The following DRC7 variants were observed in gnomAD, a reference collection of about 807,000 sequenced individuals.
The protein encoded by DRC7 is dynein regulatory complex subunit 7.
DRC7 carries 80 observed loss-of-function variants against 104.4 expected under a neutral mutation model. The ratio of observed to expected loss-of-function variants is 0.77; its 90% CI spans 0.64 to 0.92. The LOEUF (loss-of-function observed/expected upper bound fraction) is 0.92, where lower values mean the gene tolerates loss of function less well. Ranked by LOEUF, DRC7 falls within the 40% of genes least tolerant of loss-of-function variation. DRC7 has a pLI of 0.00. For missense variants in DRC7, 1,034 were observed against 1,141.1 expected (o/e 0.91, Z 1.35); for synonymous variants, 405 against 447.3 (o/e 0.91, Z 1.19).
chr16:57,700,305 AC>A, intron 5 of DRC7, 35 bp downstream of exon 5: 6 of 1,597,308 alleles, frequency 3.8e-6, no homozygotes, highest in Non-Finnish European at 4.3e-6. Flanking sequence ...GCCTGAGCCC[AC>A]CAGGACTAAG....
Position 57,724,723 on chromosome 16 carries a change from C to G in DRC7, c.1646C>G (p.Thr549Arg). ...CGGGAGGAGACACCCAGGACAATGA[C>G]AGAGTACTATCAAGGACGCCCAGAC... ...MKREETPRTM[T>R]EYYQGRPDFL... Residue 549 changes from threonine to arginine, a missense_variant, in exon 13 of 19, where the codon ACA (threonine) becomes AGA (arginine). By Grantham distance (71) the Thr-to-Arg change is moderately conservative. Transcript: ENST00000360716. 6.2e-7 allele frequency: 1 copy of G among 1,613,886 alleles called. No homozygotes were observed. Among genetic ancestry groups the G allele is most frequent in the Non-Finnish European group, 8.5e-7 (1 of 1,179,996 alleles).
chr16:57,697,558 G>A (rs2048608055), intron 2 of DRC7, among the ~76,000 whole-genome samples: 1 of 151,984 alleles, frequency 6.6e-6, no homozygotes, highest in South Asian at 2.1e-4. Context: ...GACAGAGCAA[G>A]ACCCTGTCTC....
intron 1 of DRC7, among the ~76,000 whole-genome samples, chr16:57,695,053 G>A (rs1428187391): frequency 1.3e-5 from 2 of 152,072 alleles, no homozygotes; most frequent in African/African-American, 4.8e-5. Context: ...CCGGTGGGTT[G>A]GGGCAGAATC....
chr16:57,716,988 C>G (rs1366851608), intron 8 of DRC7, among the ~76,000 whole-genome samples: 3 of 151,850 alleles, frequency 2.0e-5, no homozygotes, highest in Non-Finnish European at 4.4e-5. Context: ...GAAACCCTGT[C>G]TCTACTAAAA....
intron 17 of DRC7, among the ~76,000 whole-genome samples, chr16:57,729,886 A>G (rs1186378578): frequency 3.2e-5 from 3 of 93,766 alleles, no homozygotes; most frequent in Non-Finnish European, 6.2e-5. Flanking sequence ...GGATGAATGG[A>G]TGGGTGGATG....
At chr16:57,713,442 T>A (rs1392656092) in intron 8 of DRC7, among the ~76,000 whole-genome samples, 17 of 152,198 alleles carry the variant, frequency 1.1e-4, no homozygotes, top group Non-Finnish European at 5.9e-5. Flanking sequence ...TTTGAGATTG[T>A]TATGTCCTCA....
At chr16:57,725,868 C>A (rs2048956349) in intron 13 of DRC7, 200 bp from the exon 14 acceptor site, 1 of 594,188 alleles carries the variant, frequency 1.7e-6, no homozygotes, top group Admixed American at 2.8e-5. Flanking sequence ...GGGCCCAGCA[C>A]CATATGGGAG....
intron 13 of DRC7, 31 bp from the exon 14 acceptor site, chr16:57,726,026 CGCTCATCCTTT>C (rs765897683): frequency 3.5e-5 from 54 of 1,545,718 alleles, no homozygotes; most frequent in Admixed American, 1.6e-4. Flanking sequence ...TCCTCTCACA[CGCTCATCCTTT>C]GCTCATCCTT....
chr16:57,716,354 T>A (rs1331483290), intron 8 of DRC7, among the ~76,000 whole-genome samples: 1 of 151,706 alleles, frequency 6.6e-6, no homozygotes, highest in Non-Finnish European at 1.5e-5. Context: ...AATACACAAA[T>A]TAGCTGGGTG....
chr16:57,697,906 C>T lies in DRC7; in HGVS notation c.-37-7C>T, dbSNP rs748959588. ...CGGCCATGGAGTATACTTACCCTTC[C>T]CCACAGAGACATTCCATCTCCAGAC... On this transcript the variant is annotated splice_region_variant and splice_polypyrimidine_tract_variant and intron_variant, in intron 2 of 18. Coordinates refer to ENST00000360716, the MANE Select transcript of DRC7 (RefSeq NM_001289162.2). 3.1e-6 allele frequency: 5 copies of T among 1,593,506 alleles called. No homozygotes were observed. The Admixed American group carries it at 5.1e-5, about 16-fold the overall frequency.
At chr16:57,727,471 G>A (rs1364198926) in intron 16 of DRC7, 62 bp downstream of exon 16, 2 of 1,266,730 alleles carry the variant, frequency 1.6e-6, no homozygotes, top group Admixed American at 1.7e-5. Flanking sequence ...CTCCAGGGTG[G>A]TGGGGACCAT....
chr16:57,715,944 G>C (rs2048838150), intron 8 of DRC7, among the ~76,000 whole-genome samples: 1 of 152,228 alleles, frequency 6.6e-6, no homozygotes, highest in African/African-American at 2.4e-5. Flanking sequence ...GATGGCATAG[G>C]CTGTCACTTT....
At chr16:57,714,969 A>G (rs7202070) in intron 8 of DRC7, 15,426 of 322,884 alleles carry the variant, frequency 0.048, 1,161 homozygotes, top group East Asian at 0.24. Context: ...GATGTAGGGC[A>G]GGACAGTGAC....
chr16:57,723,178 C>A, intron 12 of DRC7, 48 bp downstream of exon 12: 1 of 1,595,570 alleles, frequency 6.3e-7, no homozygotes, highest in Non-Finnish European at 8.5e-7. Flanking sequence ...GGGGTAGAGG[C>A]CTCACACACC....
At chr16:57,708,289 A>C (rs1188766665) in intron 8 of DRC7, among the ~76,000 whole-genome samples, 1 of 152,158 alleles carries the variant, frequency 6.6e-6, no homozygotes, top group Admixed American at 6.5e-5. Flanking sequence ...CCCCAGAGTT[A>C]AGCACTATCT....
At position 57,731,587 on chromosome 16, in the gene DRC7, T is replaced by G; in HGVS notation, c.*329T>G. 2.7e-6 allele frequency: 1 copy of G among 369,394 alleles called. No homozygotes were observed. The highest frequency in any genetic ancestry group is 2.8e-5 in the South Asian group (1 of 35,960). The allele number at this position is 369,394 out of a possible 1,614,324, so 22.9% of individuals were successfully genotyped here. On this transcript the variant is annotated 3_prime_UTR_variant, in exon 19 of 19. Transcript: ENST00000360716. ...TCCTTCTCTCCGTTGGAATGTCAGG[T>G]CTTCACAGCACCTCTGCAGATGGTC...
chr16:57,698,750 G>A (rs1224677530), intron 3 of DRC7, 100 bp from the exon 4 acceptor site: 2 of 1,109,868 alleles, frequency 1.8e-6, no homozygotes, highest in Non-Finnish European at 2.6e-6. Flanking sequence ...TAGCCGTGAG[G>A]ATTAAATGAG....
intron 6 of DRC7, among the ~76,000 whole-genome samples, chr16:57,703,073 C>A (rs1402078079): frequency 6.6e-6 from 1 of 151,802 alleles, no homozygotes; most frequent in Non-Finnish European, 1.5e-5. Flanking sequence ...TTTATAGGTT[C>A]TCACTATGTT....
At chr16:57,729,927 T>G in intron 17 of DRC7, among the ~76,000 whole-genome samples, 1 of 64,576 alleles carries the variant, frequency 1.5e-5, no homozygotes, top group Non-Finnish European at 2.9e-5. Flanking sequence ...GATGGATGAG[T>G]GGGTGGGTGG....
Sources: gnomAD v4.1 joint callset for allele counts (sites outside exome capture counted in the v4.1 genomes callset) on GRCh38, gnomAD v4.1.1 for gene constraint, MANE v1.5 for transcripts, NCBI Gene and HGNC (gene_info 2026-07-23, HGNC 2026-07-21) for gene names.